The following CNTN6 variants were observed in gnomAD, a reference collection of about 807,000 sequenced individuals.
CNTN6 encodes the protein contactin-6.
In CNTN6, 137 loss-of-function variants were observed where a neutral mutation model predicts 122.8. The ratio of observed to expected loss-of-function variants is 1.12; its 90% CI spans 0.97 to 1.29. The LOEUF (loss-of-function observed/expected upper bound fraction) is 1.29, where lower values mean the gene tolerates loss of function less well. Among genes scored for constraint, CNTN6 ranks in the 50% most tolerant of loss-of-function variants. The probability of loss-of-function intolerance (pLI) is 0.00; values close to 1 mark genes in which losing one functional copy is unlikely to be tolerated. For synonymous variants in CNTN6, 570 were observed against 426.0 expected (o/e 1.34, Z -4.16); for missense variants, 1,634 against 1,223.4 (o/e 1.34, Z -5.01).
At chr3:1,280,459 A>ATTTTTTTTTTT (rs71619483) in intron 5 of CNTN6, among the ~76,000 whole-genome samples, 1,001 of 66,556 alleles carry the variant, frequency 0.015, 239 homozygotes, top group Non-Finnish European at 0.017. Context: ...TGTAATACCA[A>ATTTTTTTTTTT]TTTTTTTTTT....
chr3:1,196,688 CT>C (rs1406237419), intron 2 of CNTN6, among the ~76,000 whole-genome samples: 3 of 152,150 alleles, frequency 2.0e-5, no homozygotes, highest in African/African-American at 7.2e-5. Flanking sequence ...ATGCTTCATA[CT>C]CAATAAAGTG....
intron 12 of CNTN6, among the ~76,000 whole-genome samples, chr3:1,362,266 G>A (rs145508038): frequency 6.6e-6 from 1 of 151,942 alleles, no homozygotes. Flanking sequence ...ACAACGTCTA[G>A]CATTCAATAA....
At chr3:1,385,911 G>T (rs1692829924) in intron 20 of CNTN6, 114 bp downstream of exon 20, 2 of 1,050,236 alleles carry the variant, frequency 1.9e-6, no homozygotes, top group Non-Finnish European at 2.7e-6. Flanking sequence ...GGTTACTTTG[G>T]TTAGTTGGTT....
chr3:1,379,695 G>A (rs1197218502), intron 17 of CNTN6, among the ~76,000 whole-genome samples: 1 of 152,018 alleles, frequency 6.6e-6, no homozygotes, highest in Non-Finnish European at 1.5e-5. Flanking sequence ...TTCTTCCTGA[G>A]GAGGAGGTGG....
intron 7 of CNTN6, among the ~76,000 whole-genome samples, chr3:1,299,680 G>A (rs150126815): frequency 6.6e-6 from 1 of 152,172 alleles, no homozygotes; most frequent in East Asian, 1.9e-4. Flanking sequence ...TTCAAACCCA[G>A]GCCCACCTGA....
At chr3:1,324,383 C>T (rs1056915858) in intron 8 of CNTN6, among the ~76,000 whole-genome samples, 4 of 149,698 alleles carry the variant, frequency 2.7e-5, no homozygotes, top group Non-Finnish European at 5.9e-5. Context: ...GCCACTGCTA[C>T]GGTGGCCAGT....
At chr3:1,140,253 T>G (rs1265391977) in intron 1 of CNTN6, among the ~76,000 whole-genome samples, 1 of 152,166 alleles carries the variant, frequency 6.6e-6, no homozygotes, top group Admixed American at 6.5e-5. Context: ...AGCATTTCTA[T>G]AAGATATAAT....
intron 2 of CNTN6, among the ~76,000 whole-genome samples, chr3:1,194,666 T>G (rs1379351008): frequency 6.6e-6 from 1 of 152,088 alleles, no homozygotes; most frequent in African/African-American, 2.4e-5. Flanking sequence ...GATACTGCAT[T>G]TGTATTGTTT....
intron 4 of CNTN6, among the ~76,000 whole-genome samples, chr3:1,243,230 G>A (rs78507532): frequency 0.059 from 8,906 of 152,008 alleles, 340 homozygotes; most frequent in East Asian, 0.14. Flanking sequence ...CCTGAGCTGC[G>A]GGCATTCCTT....
intron 4 of CNTN6, among the ~76,000 whole-genome samples, chr3:1,268,721 T>G (rs974321354): frequency 6.6e-6 from 1 of 152,112 alleles, no homozygotes; most frequent in Non-Finnish European, 1.5e-5. Flanking sequence ...GCATTTAAGC[T>G]GCCACCGAAT....
At chr3:1,386,766 A>G (rs1266900393) in intron 20 of CNTN6, among the ~76,000 whole-genome samples, 1 of 152,016 alleles carries the variant, frequency 6.6e-6, no homozygotes, top group Non-Finnish European at 1.5e-5. Flanking sequence ...GAGAAAGACT[A>G]AGACAAATTC....
intron 11 of CNTN6, among the ~76,000 whole-genome samples, chr3:1,343,017 C>T (rs1192949247): frequency 1.3e-5 from 2 of 152,086 alleles, no homozygotes; most frequent in South Asian, 4.1e-4. Flanking sequence ...GACCGGACAC[C>T]TCCTCTTCCT....
chr3:1,289,813 T>C (rs9838830), intron 5 of CNTN6, among the ~76,000 whole-genome samples: 24,209 of 151,896 alleles, frequency 0.16, 3,681 homozygotes, highest in African/African-American at 0.4. Flanking sequence ...CAGCTGGGAC[T>C]ACAGGTGCCC....
At chr3:1,105,472 T>G (rs2091174005) in intron 1 of CNTN6, among the ~76,000 whole-genome samples, 1 of 152,202 alleles carries the variant, frequency 6.6e-6, no homozygotes, top group African/African-American at 2.4e-5. Context: ...TATTACATTT[T>G]AAGTGTGAAA....
chr3:1,325,482 C>G (rs187634949), intron 8 of CNTN6, among the ~76,000 whole-genome samples: 1 of 151,998 alleles, frequency 6.6e-6, no homozygotes, highest in African/African-American at 2.4e-5. Context: ...CATTTTCTAA[C>G]TTGACCTATG....
intron 12 of CNTN6, among the ~76,000 whole-genome samples, chr3:1,361,659 A>G (rs1707482135): frequency 6.6e-6 from 1 of 152,116 alleles, no homozygotes; most frequent in Non-Finnish European, 1.5e-5. Context: ...ATGAAACATT[A>G]ATAATAAAGG....
intron 11 of CNTN6, among the ~76,000 whole-genome samples, chr3:1,334,836 ATTTG>A (rs1324338649): frequency 6.6e-6 from 1 of 152,154 alleles, no homozygotes; most frequent in Non-Finnish European, 1.5e-5. Flanking sequence ...TTAAAATTTA[ATTTG>A]TTTAACTAAT....
intron 2 of CNTN6, among the ~76,000 whole-genome samples, chr3:1,212,933 T>C (rs1318175973): frequency 6.6e-6 from 1 of 151,964 alleles, no homozygotes; most frequent in South Asian, 2.1e-4. Context: ...ATAACAAATA[T>C]AAATGAAAAA....
At position 1,386,400 on chromosome 3, in the gene CNTN6, G is replaced by A. The variant is rs751481018; in HGVS notation, c.2704+603G>A. On this transcript the variant is annotated intron_variant, in intron 20 of 22. Transcript: ENST00000446702. Reference sequence around the variant, plus strand: ...CTGAAATCTAAGAATGAACTCTTCTGTTTTGTCTTATATCCCCTGATAATC... The same window carrying A: ...CTGAAATCTAAGAATGAACTCTTCTATTTTGTCTTATATCCCCTGATAATC... 2.4e-4 allele frequency among the ~76,000 whole-genome samples: 37 copies of A among 152,210 alleles called. 1 individual carries two copies. Among genetic ancestry groups the A allele is most frequent in the Middle Eastern group, 3.4e-3 (1 of 294 alleles).
Sources: gnomAD v4.1 joint callset for allele counts (sites outside exome capture counted in the v4.1 genomes callset) on GRCh38, gnomAD v4.1.1 for gene constraint, MANE v1.5 for transcripts, NCBI Gene and HGNC (gene_info 2026-07-23, HGNC 2026-07-21) for gene names.